The following CENPW variants were observed in gnomAD, a reference collection of about 807,000 sequenced individuals.
CENPW encodes centromere protein W.
Under a neutral mutation model 11.1 loss-of-function variants are expected in CENPW, and 3 were observed. The ratio of observed to expected loss-of-function variants is 0.27; its 90% CI spans 0.12 to 0.70. CENPW has a LOEUF of 0.70. Among genes scored for constraint, CENPW ranks in the 30% least tolerant of loss-of-function variants. CENPW has a pLI of 0.77. For synonymous variants in CENPW, 38 were observed against 42.0 expected (o/e 0.91, Z 0.37); for missense variants, 100 against 105.6 (o/e 0.95, Z 0.23).
the CENPW span, among the ~76,000 whole-genome samples, chr6:126,405,562 A>C: frequency 2.6e-5 from 4 of 151,998 alleles, no homozygotes; most frequent in Admixed American, 2.0e-4. Flanking sequence ...ATTTTGATAG[A>C]GATTGCATTA....
chr6:126,431,578 A>G, the CENPW span, among the ~76,000 whole-genome samples: 2 of 152,208 alleles, frequency 1.3e-5, no homozygotes. Context: ...TGGTGAGTTT[A>G]TCAAACAATC....
the CENPW span, among the ~76,000 whole-genome samples, chr6:126,419,486 C>A: frequency 6.6e-6 from 1 of 152,084 alleles, no homozygotes; most frequent in South Asian, 2.1e-4. Context: ...GTCCTTATGG[C>A]GTTTATATTC....
At chr6:126,394,133 A>G in the CENPW span, among the ~76,000 whole-genome samples, 1,092 of 152,066 alleles carry the variant, frequency 7.2e-3, 13 homozygotes, top group African/African-American at 0.025. Flanking sequence ...ATTGAAGGCA[A>G]TTATTGATAA....
At chr6:126,447,469 T>A in the CENPW span, among the ~76,000 whole-genome samples, 106 of 151,284 alleles carry the variant, frequency 7.0e-4, 1 homozygote, top group Middle Eastern at 6.8e-3. Context: ...AAATAGAGAA[T>A]GGAAGTATGT....
At chr6:126,413,153 A>C in the CENPW span, among the ~76,000 whole-genome samples, 1 of 150,300 alleles carries the variant, frequency 6.7e-6, no homozygotes, top group Non-Finnish European at 1.5e-5. Context: ...AAAAGATAAC[A>C]AAATCTATAT....
the CENPW span, among the ~76,000 whole-genome samples, chr6:126,427,421 G>A: frequency 1.3e-5 from 2 of 152,102 alleles, no homozygotes; most frequent in African/African-American, 4.8e-5. Flanking sequence ...AGCACCGTGT[G>A]AATTTTACAT....
chr6:126,395,622 G>A, the CENPW span, among the ~76,000 whole-genome samples: 1 of 152,068 alleles, frequency 6.6e-6, no homozygotes, highest in Non-Finnish European at 1.5e-5. Context: ...TCTGTACACT[G>A]AAGAGTTAGG....
the CENPW span, among the ~76,000 whole-genome samples, chr6:126,459,497 A>T: frequency 2.0e-5 from 3 of 151,672 alleles, no homozygotes; most frequent in African/African-American, 7.2e-5. Context: ...GCAGAATGAC[A>T]ATTGTTTACC....
the CENPW span, among the ~76,000 whole-genome samples, chr6:126,396,874 C>T: frequency 0.024 from 3,595 of 151,912 alleles, 148 homozygotes; most frequent in African/African-American, 0.082. Context: ...ATAATGGGGT[C>T]CTCATGAGTC....
chr6:126,446,483 T>G, the CENPW span, among the ~76,000 whole-genome samples: 2 of 151,040 alleles, frequency 1.3e-5, no homozygotes, highest in Non-Finnish European at 3.0e-5. Flanking sequence ...ATTAAATCAC[T>G]TTCAAGTTGA....
the CENPW span, among the ~76,000 whole-genome samples, chr6:126,379,189 G>A: frequency 3.5e-4 from 53 of 152,220 alleles, 1 homozygote; most frequent in African/African-American, 1.1e-3. Context: ...CTTTCTGTGA[G>A]GAATGTGTCT....
chr6:126,464,176 A>G, the CENPW span, among the ~76,000 whole-genome samples: 1 of 152,152 alleles, frequency 6.6e-6, no homozygotes, highest in South Asian at 2.1e-4. Context: ...TTGAAAAACA[A>G]TCAGTACAAC....
the CENPW span, among the ~76,000 whole-genome samples, chr6:126,466,141 A>G: frequency 6.6e-6 from 1 of 152,156 alleles, no homozygotes; most frequent in Non-Finnish European, 1.5e-5. Flanking sequence ...TTATAGCCCA[A>G]AGAATAAAAA....
chr6:126,482,057 C>T, the CENPW span, among the ~76,000 whole-genome samples: 1 of 151,898 alleles, frequency 6.6e-6, no homozygotes, highest in African/African-American at 2.4e-5. Flanking sequence ...CAAAAACATC[C>T]CAAAATGCTA....
chr6:126,444,786 T>G, the CENPW span, among the ~76,000 whole-genome samples: 1 of 151,218 alleles, frequency 6.6e-6, no homozygotes, highest in East Asian at 1.9e-4. Context: ...TTACATGTGA[T>G]CTGTCCACAA....
chr6:126,461,790 GA>G, the CENPW span, among the ~76,000 whole-genome samples: 63 of 151,966 alleles, frequency 4.1e-4, no homozygotes, highest in Non-Finnish European at 8.0e-4. Context: ...ATAATGCAAT[GA>G]AAAGTTTTCA....
chr6:126,438,660 T>C, the CENPW span, among the ~76,000 whole-genome samples: 1 of 151,722 alleles, frequency 6.6e-6, no homozygotes, highest in African/African-American at 2.4e-5. Context: ...TCACCCTCTT[T>C]GGGAGTACAA....
downstream of CENPW, among the ~76,000 whole-genome samples, chr6:126,350,012 C>G (rs1780472871): frequency 6.6e-6 from 1 of 151,986 alleles, no homozygotes; most frequent in Non-Finnish European, 1.5e-5. Flanking sequence ...CAGGTGCAAG[C>G]TGCTGTGTTC....
the CENPW span, among the ~76,000 whole-genome samples, chr6:126,389,575 A>T: frequency 6.6e-6 from 1 of 151,550 alleles, no homozygotes; most frequent in Middle Eastern, 3.2e-3. Flanking sequence ...GTGCACATCC[A>T]GTTGTCTTCA....
Sources: gnomAD v4.1 joint callset for allele counts (sites outside exome capture counted in the v4.1 genomes callset) on GRCh38, gnomAD v4.1.1 for gene constraint, MANE v1.5 for transcripts, NCBI Gene and HGNC (gene_info 2026-07-23, HGNC 2026-07-21) for gene names.